The following ZBTB7C variants were observed in gnomAD, a reference collection of about 807,000 sequenced individuals.
ZBTB7C encodes the protein zinc finger and BTB domain-containing protein 7C.
In ZBTB7C, 8 loss-of-function variants were observed where a neutral mutation model predicts 25.7. That is an observed-to-expected ratio of 0.31 (90% CI 0.18 to 0.56). The LOEUF (loss-of-function observed/expected upper bound fraction) is 0.56. Ranked by LOEUF, ZBTB7C falls within the 20% of genes least tolerant of loss-of-function variation. ZBTB7C has a pLI of 0.91. For missense variants in ZBTB7C, 824 were observed against 855.2 expected, an observed-to-expected ratio of 0.96 and a Z score of 0.46; for synonymous variants, 394 against 369.0, an observed-to-expected ratio of 1.07 and a Z score of -0.78.
intron 2 of ZBTB7C, among the ~76,000 whole-genome samples, chr18:48,262,942 A>ACT (rs1267886282): frequency 2.0e-5 from 3 of 151,634 alleles, no homozygotes; most frequent in African/African-American, 7.3e-5. Flanking sequence ...CCTTGTTTCC[A>ACT]CTCTGTCTTC....
At chr18:48,323,324 T>C (rs1187488968) in intron 2 of ZBTB7C, among the ~76,000 whole-genome samples, 2 of 152,240 alleles carry the variant, frequency 1.3e-5, no homozygotes, top group Non-Finnish European at 2.9e-5. Flanking sequence ...GCTGGTACTA[T>C]GATAAGTGCC....
intron 2 of ZBTB7C, among the ~76,000 whole-genome samples, chr18:48,318,216 A>G (rs370085739): frequency 6.6e-6 from 1 of 150,742 alleles, no homozygotes; most frequent in Non-Finnish European, 1.5e-5. Flanking sequence ...AAACAAAACA[A>G]AAAAAAAACC....
Position 48,223,993 on chromosome 18 carries a change from C to G in ZBTB7C, c.-78-37998G>C, listed in dbSNP as rs575016802. ...ATAAAAGTTGTGATAGCTGGACCTC[C>G]AGCAGCCATCTTGGACTACAAAGAT... On this transcript the variant is annotated intron_variant, in intron 2 of 4. Transcript: ENST00000590800. Among the ~76,000 whole-genome samples the G allele has an allele frequency of 2.0e-5, 3 of 152,310 alleles. No homozygotes were observed. In the South Asian group the frequency reaches 6.2e-4, roughly 32 times the overall value.
intron 3 of ZBTB7C, among the ~76,000 whole-genome samples, chr18:48,169,064 G>A (rs1039728202): frequency 6.6e-6 from 1 of 152,226 alleles, no homozygotes; most frequent in Non-Finnish European, 1.5e-5. Flanking sequence ...TGTACCACAG[G>A]GTCTGCTGTC....
intron 3 of ZBTB7C, among the ~76,000 whole-genome samples, chr18:48,099,937 C>T (rs995926075): frequency 6.6e-6 from 1 of 152,208 alleles, no homozygotes; most frequent in African/African-American, 2.4e-5. Flanking sequence ...GCTGTGTCTC[C>T]TTTAACCTGC....
At chr18:48,326,749 A>T (rs1181195820) in intron 2 of ZBTB7C, among the ~76,000 whole-genome samples, 2 of 152,222 alleles carry the variant, frequency 1.3e-5, no homozygotes, top group African/African-American at 4.8e-5. Context: ...AAGAATACAT[A>T]CTTGAATTTC....
At chr18:48,291,876 C>T (rs570651376) in intron 2 of ZBTB7C, among the ~76,000 whole-genome samples, 30 of 152,226 alleles carry the variant, frequency 2.0e-4, no homozygotes, top group African/African-American at 5.8e-4. Flanking sequence ...CTAGGAGAGA[C>T]TCCAATAGGG....
At chr18:48,182,952 T>A (rs778188611) in intron 3 of ZBTB7C, among the ~76,000 whole-genome samples, 1 of 152,188 alleles carries the variant, frequency 6.6e-6, no homozygotes, top group African/African-American at 2.4e-5. Context: ...ATAATTTAAA[T>A]TTTATGTATA....
At chr18:48,389,242 T>TCTCTCTC (rs1568418477) in intron 1 of ZBTB7C, among the ~76,000 whole-genome samples, 2 of 92,912 alleles carry the variant, frequency 2.2e-5, no homozygotes, top group African/African-American at 8.8e-5. Flanking sequence ...CTCTCGTGTG[T>TCTCTCTC]GTGTGTGTGT....
At chr18:48,244,408 C>T (rs972960844) in intron 2 of ZBTB7C, among the ~76,000 whole-genome samples, 4 of 142,992 alleles carry the variant, frequency 2.8e-5, no homozygotes, top group African/African-American at 9.9e-5. Context: ...GAGTGAGACT[C>T]CATCTCAAAT....
chr18:48,125,623 C>T (rs1055874593), intron 3 of ZBTB7C, among the ~76,000 whole-genome samples: 5 of 152,198 alleles, frequency 3.3e-5, no homozygotes, highest in African/African-American at 1.2e-4. Flanking sequence ...CGCAGTGAAG[C>T]ACTGTGGAGT....
intron 1 of ZBTB7C, among the ~76,000 whole-genome samples, chr18:48,355,848 G>T (rs2046966013): frequency 6.6e-6 from 1 of 152,236 alleles, no homozygotes; most frequent in South Asian, 2.1e-4. Flanking sequence ...GTGGGTGGGG[G>T]TAGGTCCCCA....
chr18:48,314,020 C>T (rs1435022260), intron 2 of ZBTB7C, among the ~76,000 whole-genome samples: 1 of 152,208 alleles, frequency 6.6e-6, no homozygotes, highest in East Asian at 1.9e-4. Context: ...CTGTCACCAC[C>T]TGCCTCACCA....
At chr18:48,198,223 A>AT (rs911473413) in intron 2 of ZBTB7C, among the ~76,000 whole-genome samples, 1 of 151,948 alleles carries the variant, frequency 6.6e-6, no homozygotes, top group Admixed American at 6.6e-5. Context: ...TTCCATTTTC[A>AT]TTTTTTCCTA....
intron 2 of ZBTB7C, among the ~76,000 whole-genome samples, chr18:48,293,978 C>T (rs1179429651): frequency 6.6e-6 from 1 of 152,190 alleles, no homozygotes; most frequent in African/African-American, 2.4e-5. Flanking sequence ...GAGATCAGGC[C>T]CGCTGTGGCC....
At chr18:48,300,163 C>T (rs2144735606) in intron 2 of ZBTB7C, among the ~76,000 whole-genome samples, 1 of 152,276 alleles carries the variant, frequency 6.6e-6, no homozygotes, top group Middle Eastern at 3.4e-3. Flanking sequence ...ATGAAGATGC[C>T]TGAGCCCCAC....
At chr18:48,345,220 G>A (rs1188364647) in intron 1 of ZBTB7C, among the ~76,000 whole-genome samples, 1 of 152,202 alleles carries the variant, frequency 6.6e-6, no homozygotes, top group Non-Finnish European at 1.5e-5. Flanking sequence ...GTGGATAGCT[G>A]TTCAGTAAGA....
chr18:48,074,014 CTTT>C (rs575904548), intron 3 of ZBTB7C, among the ~76,000 whole-genome samples: 3 of 138,632 alleles, frequency 2.2e-5, no homozygotes, highest in Admixed American at 7.2e-5. Context: ...AGAAAAATTT[CTTT>C]TTTTTTTTTT....
intron 1 of ZBTB7C, chr18:48,350,630 C>T (rs932263519): frequency 2.6e-5 from 4 of 151,982 alleles, no homozygotes; most frequent in Non-Finnish European, 5.9e-5. Context: ...TTGTTCAAAA[C>T]CCAAATGGCA....
Sources: allele counts gnomAD v4.1 joint callset (sites outside exome capture counted in the v4.1 genomes callset), GRCh38; gene constraint gnomAD v4.1.1; transcripts MANE v1.5; gene names NCBI Gene and HGNC (gene_info 2026-07-23, HGNC 2026-07-21).